The following DZIP3 variants were observed in gnomAD, a reference collection of about 807,000 sequenced individuals.
DZIP3 encodes DAZ interacting zinc finger protein 3.
DZIP3 carries 118 observed loss-of-function variants against 162.0 expected under a neutral mutation model. The ratio of observed to expected loss-of-function variants is 0.73; its 90% CI spans 0.63 to 0.85. The LOEUF is 0.85. DZIP3 is among the 40% of genes least tolerant of loss of function. The pLI is 0.00. For missense variants in DZIP3, 1,331 were observed against 1,407.0 expected, an observed-to-expected ratio of 0.95 and a Z score of 0.86; for synonymous variants, 438 against 458.6, an observed-to-expected ratio of 0.96 and a Z score of 0.57.
intron 9 of DZIP3, among the ~76,000 whole-genome samples, chr3:108,633,745 G>A (rs1348578306): frequency 4.3e-5 from 4 of 93,994 alleles, no homozygotes; most frequent in African/African-American, 1.4e-4. Context: ...ATCTATCAGA[G>A]TACTTCTGAT....
chr3:108,610,275 C>G (rs570025530), intron 3 of DZIP3, among the ~76,000 whole-genome samples: 1 of 152,074 alleles, frequency 6.6e-6, no homozygotes, highest in African/African-American at 2.4e-5. Context: ...AAGTGGATAC[C>G]GAATACCATG....
At position 108,693,618 on chromosome 3, in the gene DZIP3, C is replaced by A. The variant is rs1196953918; in HGVS notation, c.*265C>A. The A allele has an allele frequency of 2.0e-5, 3 of 152,090 alleles. No homozygotes were observed. The highest frequency in any genetic ancestry group is 4.4e-5 in the Non-Finnish European group (3 of 67,992). The allele number at this position is 152,090 out of a possible 1,614,324, so 9.4% of individuals were successfully genotyped here. The stretch of plus-strand genomic sequence containing the variant: ...TACCACTGGACCTTGTCTAAAATTT[C>A]TTTGTGTTCCCAGTGTCTTGCCCAG... On this transcript the variant is annotated 3_prime_UTR_variant, in exon 33 of 33. Coordinates refer to ENST00000361582, the MANE Select transcript of DZIP3 (RefSeq NM_014648.4).
chr3:108,636,457 A>G (rs1229442858), intron 10 of DZIP3, among the ~76,000 whole-genome samples, 159 bp from the exon 11 acceptor site: 2 of 152,174 alleles, frequency 1.3e-5, no homozygotes, highest in South Asian at 4.1e-4. Context: ...CCATTGATAT[A>G]TGAAATGGAC....
intron 5 of DZIP3, among the ~76,000 whole-genome samples, chr3:108,619,302 ATGTGTGTGTGTG>A (rs35589891): frequency 1.3e-5 from 2 of 148,228 alleles, no homozygotes; most frequent in African/African-American, 4.9e-5. Flanking sequence ...ATATGTGTGT[ATGTGTGTGTGTG>A]TGTGTGTGTG....
intron 27 of DZIP3, among the ~76,000 whole-genome samples, chr3:108,684,967 AATG>A (rs1290833995): frequency 1.3e-5 from 2 of 152,186 alleles, no homozygotes; most frequent in Non-Finnish European, 2.9e-5. Flanking sequence ...CTTCCAAAAG[AATG>A]ATGTTAGATG....
chr3:108,675,883 G>A lies in DZIP3; in HGVS notation c.2781+10G>A, dbSNP rs764188193. On this transcript the variant is annotated intron_variant, in intron 25 of 32. Transcript: ENST00000361582. Reference sequence around the variant, plus strand: ...GATTGCATTCCTCAGGGTAAGTCCTGAAGTATATTTGGAGAAAATTGGCTT... The same window carrying A: ...GATTGCATTCCTCAGGGTAAGTCCTAAAGTATATTTGGAGAAAATTGGCTT... The A allele has an allele frequency of 6.2e-7, 1 of 1,605,176 alleles. No homozygotes were observed. The highest frequency in any genetic ancestry group is 8.5e-7 in the Non-Finnish European group (1 of 1,175,954).
At chr3:108,611,557 T>A (rs1940708205) in intron 4 of DZIP3, among the ~76,000 whole-genome samples, 1 of 152,166 alleles carries the variant, frequency 6.6e-6, no homozygotes, top group Admixed American at 6.6e-5. Context: ...GAATGTGGGT[T>A]GGTAGCTTGT....
chr3:108,659,149 A>G (rs1354311741), intron 19 of DZIP3, among the ~76,000 whole-genome samples: 1 of 152,242 alleles, frequency 6.6e-6, no homozygotes, highest in African/African-American at 2.4e-5. Flanking sequence ...TTATGAGGCC[A>G]GCATCATCCT....
At chr3:108,656,215 C>G (rs529214729) in intron 19 of DZIP3, among the ~76,000 whole-genome samples, 8 of 152,322 alleles carry the variant, frequency 5.3e-5, no homozygotes, top group African/African-American at 1.7e-4. Context: ...ATCCCTGAAC[C>G]CTGAGTAGCC....
chr3:108,672,534 G>A lies in DZIP3; in HGVS notation c.2493-26G>A, dbSNP rs369233596. 26 of 1,575,508 alleles carry A rather than the reference G, an allele frequency of 1.7e-5. No homozygotes were observed. The East Asian group carries it at 1.8e-4, about 11-fold the overall frequency. ...AAGGCTCTGCTTGATGTAATATTGC[G>A]AGTCTTTAATGATCATGTATTTCAG... On this transcript the variant is annotated intron_variant, in intron 22 of 32. Coordinates refer to ENST00000361582, the MANE Select transcript of DZIP3 (RefSeq NM_014648.4).
At chr3:108,607,608 T>C (rs1029398769) in intron 2 of DZIP3, among the ~76,000 whole-genome samples, 1 of 152,210 alleles carries the variant, frequency 6.6e-6, no homozygotes, top group East Asian at 1.9e-4. Context: ...ATTACTCAAA[T>C]AGTTTCTAAA....
At chr3:108,669,499 C>G (rs1451820372) in intron 21 of DZIP3, among the ~76,000 whole-genome samples, 182 bp from the exon 22 acceptor site, 1 of 151,828 alleles carries the variant, frequency 6.6e-6, no homozygotes, top group Non-Finnish European at 1.5e-5. Flanking sequence ...GTAAATCAGA[C>G]ATCAGAAACA....
At chr3:108,648,252 C>A in intron 16 of DZIP3, 140 bp downstream of exon 16, 3 of 693,392 alleles carry the variant, frequency 4.3e-6, no homozygotes, top group South Asian at 6.8e-5. Context: ...TTGGAATGGT[C>A]CTTTCCTTCC....
At chr3:108,633,536 T>G (rs150707291) in intron 9 of DZIP3, among the ~76,000 whole-genome samples, 4 of 151,972 alleles carry the variant, frequency 2.6e-5, no homozygotes, top group African/African-American at 9.6e-5. Flanking sequence ...CAGCCTTGAT[T>G]TGAAGAAATT....
chr3:108,642,347 A>G (rs370785173), intron 12 of DZIP3, 91 bp from the exon 13 acceptor site: 1 of 1,297,238 alleles, frequency 7.7e-7, no homozygotes. Context: ...AGAAGATGAA[A>G]ATACTCACTT....
At chr3:108,690,044 T>G (rs1944634358) in intron 31 of DZIP3, among the ~76,000 whole-genome samples, 1 of 152,218 alleles carries the variant, frequency 6.6e-6, no homozygotes, top group Non-Finnish European at 1.5e-5. Flanking sequence ...AGCCATTGAC[T>G]TTCCCCTTTG....
intron 1 of DZIP3, among the ~76,000 whole-genome samples, chr3:108,605,086 G>A (rs1940261576): frequency 6.6e-6 from 1 of 152,180 alleles, no homozygotes; most frequent in Non-Finnish European, 1.5e-5. Flanking sequence ...ATAACATTCA[G>A]TGGTGAAAAA....
rs916628598 is a variant in DZIP3, at chr3:108,646,150, T to C, written c.1760-467T>C. Among the ~76,000 whole-genome samples, 29 of 152,320 alleles carry C rather than the reference T, an allele frequency of 1.9e-4. 1 individual carries two copies. The highest frequency in any genetic ancestry group is 6.2e-4 in the South Asian group (3 of 4,832). On this transcript the variant is annotated intron_variant, in intron 14 of 32. Coordinates refer to ENST00000361582, the MANE Select transcript of DZIP3 (RefSeq NM_014648.4). ...TCTCCATGAAGATTGTCTTTTTTTT[T>C]CTTCACCATTCAATCTCTAGAGCTT...
chr3:108,614,669 A>C (rs1940905649), intron 4 of DZIP3, among the ~76,000 whole-genome samples: 2 of 152,122 alleles, frequency 1.3e-5, no homozygotes, highest in Non-Finnish European at 2.9e-5. Context: ...ATGGCAGCTC[A>C]GAAGACCCAA....
Sources: allele counts gnomAD v4.1 joint callset (sites outside exome capture counted in the v4.1 genomes callset), GRCh38; gene constraint gnomAD v4.1.1; transcripts MANE v1.5; gene names NCBI Gene and HGNC (gene_info 2026-07-23, HGNC 2026-07-21).